ETFA: variants seen among roughly 807,000 people sequenced by gnomAD.
ETFA encodes the protein electron transfer flavoprotein subunit alpha, mitochondrial.
Under a neutral mutation model 46.2 loss-of-function variants are expected in ETFA, and 22 were observed. The ratio of observed to expected loss-of-function variants is 0.48; its 90% CI spans 0.34 to 0.68. The LOEUF is 0.68. ETFA is among the 30% of genes least tolerant of loss of function. ETFA has a pLI of 0.01. For missense variants in ETFA, 345 were observed against 401.1 expected (o/e 0.86, Z 1.19); for synonymous variants, 131 against 139.9 (o/e 0.94, Z 0.45).
intron 8 of ETFA, among the ~76,000 whole-genome samples, chr15:76,276,711 G>C (rs561602723): frequency 1.3e-5 from 2 of 152,204 alleles, no homozygotes; most frequent in East Asian, 1.9e-4. Context: ...AAAGCTCAGA[G>C]ATTCTTTCCT....
chr15:76,239,611 TC>T (rs998112584), intron 9 of ETFA, among the ~76,000 whole-genome samples: 31 of 152,194 alleles, frequency 2.0e-4, no homozygotes, highest in African/African-American at 7.0e-4. Context: ...CTAGGTTGAT[TC>T]TAAATTCAGC....
chr15:76,238,608 C>T (rs968593784), intron 9 of ETFA, among the ~76,000 whole-genome samples: 1 of 152,116 alleles, frequency 6.6e-6, no homozygotes, highest in Non-Finnish European at 1.5e-5. Flanking sequence ...ACATAATATA[C>T]ATATACATAA....
intron 9 of ETFA, among the ~76,000 whole-genome samples, chr15:76,247,272 T>C (rs2039251430): frequency 6.6e-6 from 1 of 152,210 alleles, no homozygotes; most frequent in Non-Finnish European, 1.5e-5. Flanking sequence ...GACCATCCAG[T>C]CTACTCAGCA....
At chr15:76,311,249 C>A in intron 1 of ETFA, 101 bp downstream of exon 1, 1 of 1,380,662 alleles carries the variant, frequency 7.2e-7, no homozygotes, top group Non-Finnish European at 1.0e-6. Context: ...GGCGCGAGGG[C>A]TGGTCGAATC....
chr15:76,292,581 A>G (rs953393331), intron 3 of ETFA, 38 bp downstream of exon 3: 17 of 1,586,340 alleles, frequency 1.1e-5, no homozygotes, highest in Non-Finnish European at 1.5e-5. Flanking sequence ...TTCAAGCGTA[A>G]TTTAGACACT....
At chr15:76,274,848 T>C (rs1248084230) in intron 8 of ETFA, among the ~76,000 whole-genome samples, 1 of 152,214 alleles carries the variant, frequency 6.6e-6, no homozygotes, top group African/African-American at 2.4e-5. Context: ...AAGAGTTTCA[T>C]ATAACAAGAT....
intron 9 of ETFA, among the ~76,000 whole-genome samples, chr15:76,238,815 T>C (rs1418908733): frequency 6.6e-6 from 1 of 152,220 alleles, no homozygotes; most frequent in Admixed American, 6.5e-5. Flanking sequence ...TCTCTTCTCT[T>C]TTTGGAAGAG....
chr15:76,308,343 G>A (rs926216039), intron 1 of ETFA, among the ~76,000 whole-genome samples: 1 of 152,120 alleles, frequency 6.6e-6, no homozygotes, highest in Non-Finnish European at 1.5e-5. Context: ...ATTACAAAAG[G>A]AGGAGTATTA....
chr15:76,255,616 AGTCT>A (rs1283947342), intron 9 of ETFA, among the ~76,000 whole-genome samples: 1 of 152,224 alleles, frequency 6.6e-6, no homozygotes, highest in African/African-American at 2.4e-5. Flanking sequence ...TTGCCTGACA[AGTCT>A]GTAGACATGA....
intron 9 of ETFA, among the ~76,000 whole-genome samples, chr15:76,236,397 ACC>A (rs2039122732): frequency 1.3e-5 from 2 of 152,224 alleles, no homozygotes; most frequent in African/African-American, 4.8e-5. Flanking sequence ...TATTTCAAGT[ACC>A]CAATAATCAC....
intron 9 of ETFA, among the ~76,000 whole-genome samples, chr15:76,249,692 C>T (rs1464891399): frequency 3.3e-5 from 5 of 152,002 alleles, no homozygotes; most frequent in Non-Finnish European, 5.9e-5. Context: ...CCGCCCGCCT[C>T]GGCCTCCCAA....
At chr15:76,281,007 A>T (rs2039644470) in intron 8 of ETFA, among the ~76,000 whole-genome samples, 1 of 142,172 alleles carries the variant, frequency 7.0e-6, no homozygotes. Context: ...CCTCCACCTC[A>T]TGGTTCAAGT....
At chr15:76,225,797 G>C in intron 11 of ETFA, 52 bp downstream of exon 11, 1 of 1,103,746 alleles carries the variant, frequency 9.1e-7, no homozygotes, top group Non-Finnish European at 1.4e-6. Flanking sequence ...ATTTCTGAGA[G>C]TTTCTCGGAT....
At chr15:76,282,253 A>C (rs960322789) in intron 8 of ETFA, among the ~76,000 whole-genome samples, 4 of 152,158 alleles carry the variant, frequency 2.6e-5, no homozygotes, top group Non-Finnish European at 5.9e-5. Flanking sequence ...AGTCCCACAG[A>C]GAAGATGATA....
At chr15:76,227,886 T>C (rs2039020337) in intron 10 of ETFA, 3 of 455,950 alleles carry the variant, frequency 6.6e-6, no homozygotes, top group East Asian at 6.9e-5. Flanking sequence ...GAACATGGTA[T>C]AGTCCAGGTA....
At chr15:76,257,714 C>A (rs1439932006) in intron 9 of ETFA, among the ~76,000 whole-genome samples, 154 of 143,480 alleles carry the variant, frequency 1.1e-3, no homozygotes, top group South Asian at 2.0e-3. Flanking sequence ...AAGACACATG[C>A]ACACGTATGT....
intron 11 of ETFA, among the ~76,000 whole-genome samples, chr15:76,224,590 G>C (rs1003614512): frequency 1.3e-5 from 2 of 152,196 alleles, no homozygotes; most frequent in African/African-American, 4.8e-5. Flanking sequence ...CATATGCAGT[G>C]CTGGTGAAGT....
At position 76,311,407 on chromosome 15, in the gene ETFA, A is replaced by C; in HGVS notation, c.-19T>G. 6.4e-7 allele frequency: 1 copy of C among 1,555,872 alleles called. No individual in the cohort carries two copies. Among genetic ancestry groups the C allele is most frequent in the Non-Finnish European group, 8.7e-7 (1 of 1,151,318 alleles). Reference sequence around the variant, plus strand: ...GGAACATGGTCTCCGCTTCCGCCGCAACCTCGGCCTTACAGCAGCCCCGTG... The same window carrying C: ...GGAACATGGTCTCCGCTTCCGCCGCCACCTCGGCCTTACAGCAGCCCCGTG... On this transcript the variant is annotated 5_prime_UTR_variant, in exon 1 of 12. Transcript: ENST00000557943.
At chr15:76,261,958 G>A (rs1479534145) in intron 9 of ETFA, among the ~76,000 whole-genome samples, 1 of 152,170 alleles carries the variant, frequency 6.6e-6, no homozygotes, top group Non-Finnish European at 1.5e-5. Flanking sequence ...GTCCTGAAAT[G>A]ATCCAGATTT....
Sources: gnomAD v4.1 joint callset for allele counts (sites outside exome capture counted in the v4.1 genomes callset) on GRCh38, gnomAD v4.1.1 for gene constraint, MANE v1.5 for transcripts, NCBI Gene and HGNC (gene_info 2026-07-23, HGNC 2026-07-21) for gene names.